TRPC4AP: variants seen among roughly 807,000 people sequenced by gnomAD.
The protein encoded by TRPC4AP is transient receptor potential cation channel subfamily C member 4 associated protein.
In TRPC4AP, 45 loss-of-function variants were observed where a neutral mutation model predicts 99.0. That is an observed-to-expected ratio of 0.45 (90% CI 0.36 to 0.58). The LOEUF (loss-of-function observed/expected upper bound fraction) is 0.58, where lower values mean the gene tolerates loss of function less well. TRPC4AP is among the 20% of genes least tolerant of loss of function. The probability of loss-of-function intolerance (pLI) is 0.00; values close to 1 mark genes in which losing one functional copy is unlikely to be tolerated. For synonymous variants in TRPC4AP, 408 were observed against 385.8 expected (o/e 1.06, Z -0.67); for missense variants, 879 against 985.3 (o/e 0.89, Z 1.44).
At chr20:35,016,266 G>C (rs1272963076) in intron 9 of TRPC4AP, 127 bp from the exon 10 acceptor site, 2 of 1,146,250 alleles carry the variant, frequency 1.7e-6, no homozygotes, top group Non-Finnish European at 1.3e-6. Context: ...AGGAGGGCCA[G>C]GGTCTGAAGA....
intron 4 of TRPC4AP, 147 bp downstream of exon 4, chr20:35,057,367 G>A (rs981003487): frequency 3.2e-6 from 2 of 624,130 alleles, no homozygotes; most frequent in African/African-American, 3.7e-5. Context: ...CTGCTTAGCT[G>A]GGGGAGGAGA....
intron 7 of TRPC4AP, among the ~76,000 whole-genome samples, chr20:35,038,549 A>G (rs1051837354): frequency 3.9e-5 from 6 of 152,114 alleles, no homozygotes; most frequent in African/African-American, 1.4e-4. Context: ...ATAAAAAGAG[A>G]GCAGCACTTA....
intron 1 of TRPC4AP, among the ~76,000 whole-genome samples, chr20:35,078,980 C>A (rs576375790): frequency 6.6e-6 from 1 of 152,078 alleles, no homozygotes; most frequent in Admixed American, 6.6e-5. Flanking sequence ...GCAGGAGAAC[C>A]GCTTGAACTC....
intron 1 of TRPC4AP, among the ~76,000 whole-genome samples, chr20:35,086,435 G>A (rs953256447): frequency 6.8e-4 from 13 of 19,112 alleles, no homozygotes; most frequent in African/African-American, 9.6e-4. Flanking sequence ...TGGCATATGT[G>A]TGTGTGTGTG....
intron 14 of TRPC4AP, among the ~76,000 whole-genome samples, chr20:35,006,893 C>T (rs527992118): frequency 6.6e-6 from 1 of 152,320 alleles, no homozygotes; most frequent in African/African-American, 2.4e-5. Flanking sequence ...GCTGTCATCA[C>T]CAGGTCTAAA....
intron 11 of TRPC4AP, among the ~76,000 whole-genome samples, chr20:35,011,414 T>G (rs1174893170): frequency 6.6e-6 from 1 of 152,184 alleles, no homozygotes; most frequent in Non-Finnish European, 1.5e-5. Flanking sequence ...GAGTACTGGT[T>G]GTCTACCTTG....
At chr20:35,013,194 T>G in intron 10 of TRPC4AP, 128 bp from the exon 11 acceptor site, 1 of 800,262 alleles carries the variant, frequency 1.2e-6, no homozygotes, top group Non-Finnish European at 2.1e-6. Flanking sequence ...GACTTTTCTT[T>G]AGTTAGAAAA....
At chr20:35,041,624 T>C (rs6120812) in intron 7 of TRPC4AP, among the ~76,000 whole-genome samples, 28,122 of 152,200 alleles carry the variant, frequency 0.18, 2,696 homozygotes, top group Middle Eastern at 0.34. Context: ...ACCAGAACAG[T>C]TCATTCCTCA....
chr20:35,074,395 T>C (rs1407860315), intron 2 of TRPC4AP, among the ~76,000 whole-genome samples: 3 of 152,170 alleles, frequency 2.0e-5, no homozygotes, highest in African/African-American at 7.2e-5. Flanking sequence ...CGGCTTTCTC[T>C]TGTGTGCATT....
chr20:35,049,966 T>C lies in TRPC4AP; in HGVS notation c.557A>G (p.Glu186Gly), dbSNP rs1569121705. 6.2e-7 allele frequency: 1 copy of C among 1,614,016 alleles called. No individual in the cohort carries two copies. Among genetic ancestry groups the C allele is most frequent in the African/African-American group, 1.3e-5 (1 of 74,938 alleles). ...CTEGVTKRLA[E>G]KNDFVIFLFT... is the part of the protein sequence containing the mutation. ...CAGGAAGATCACAAAGTCATTCTTT[T>C]CTGCCAAACGCTTTGTAACTCCCTC... The change falls in exon 6 of 19, where the codon GAA (glutamate) becomes GGA (glycine). Residue 186 changes from glutamate to glycine, a missense_variant. By Grantham distance (98) the Glu-to-Gly change is moderately conservative. Transcript: ENST00000252015.
intron 8 of TRPC4AP, among the ~76,000 whole-genome samples, chr20:35,026,752 G>A (rs1244327022): frequency 1.3e-5 from 2 of 152,110 alleles, no homozygotes; most frequent in African/African-American, 4.8e-5. Flanking sequence ...TTTCAATGAT[G>A]TTTTAGAATT....
Position 35,044,721 on chromosome 20 carries a change from G to C in TRPC4AP, c.658-9C>G, listed in dbSNP as rs765652426. 1.9e-6 allele frequency: 3 copies of C among 1,612,966 alleles called. No individual in the cohort carries two copies. In the South Asian group the frequency reaches 3.3e-5, roughly 18 times the overall value. ...TCTAGTCGGATCATTTCCTACAGAA[G>C]ACAAAAATGAAACAATCCCCATGCT... On this transcript the variant is annotated splice_polypyrimidine_tract_variant and intron_variant, in intron 6 of 18. Coordinates refer to ENST00000252015, the MANE Select transcript of TRPC4AP (RefSeq NM_015638.3).
chr20:35,010,085 A>T, intron 12 of TRPC4AP, 102 bp downstream of exon 12: 1 of 867,370 alleles, frequency 1.2e-6, no homozygotes. Context: ...GCTGCATGTG[A>T]GAGAGGACAC....
intron 3 of TRPC4AP, among the ~76,000 whole-genome samples, chr20:35,059,754 A>C (rs537692806): frequency 1.7e-4 from 25 of 147,290 alleles, no homozygotes; most frequent in South Asian, 6.6e-4. Context: ...AAGAAGAAGA[A>C]GACGAAGAAG....
In TRPC4AP at chr20:35,010,351, G is replaced by A. The variant is rs139956627; in HGVS notation, c.1410-63C>T. 6.2e-4 allele frequency: 857 copies of A among 1,376,616 alleles called. 4 individuals are homozygous for A. In the African/African-American group the frequency reaches 0.011, roughly 18 times the overall value. The allele number at this position is 1,376,616 out of a possible 1,614,324, so 85.3% of individuals were successfully genotyped here. A position where few individuals can be genotyped will look rare whatever the true frequency, so the allele number is the denominator to read the frequency against. Reference sequence around the variant, plus strand: ...ACTGGGGCTGCTGGGTCAGCACCAGGCTAGTGTAGGGAGTCTCCTGCCCAC... The same window carrying A: ...ACTGGGGCTGCTGGGTCAGCACCAGACTAGTGTAGGGAGTCTCCTGCCCAC... On this transcript the variant is annotated intron_variant, in intron 11 of 18. Coordinates refer to ENST00000252015, the MANE Select transcript of TRPC4AP (RefSeq NM_015638.3).
At chr20:35,055,386 T>C (rs2145956554) in intron 4 of TRPC4AP, among the ~76,000 whole-genome samples, 1 of 152,352 alleles carries the variant, frequency 6.6e-6, no homozygotes, top group South Asian at 2.1e-4. Context: ...GTTTTTTGGC[T>C]ATTTAAGTAG....
At chr20:35,083,547 T>C (rs1600665843) in intron 1 of TRPC4AP, among the ~76,000 whole-genome samples, 1 of 150,404 alleles carries the variant, frequency 6.6e-6, no homozygotes, top group Admixed American at 6.6e-5. Context: ...GAGGCGGAGG[T>C]TGCAGAAAGC....
At chr20:35,091,089 T>A (rs2085050691) in intron 1 of TRPC4AP, among the ~76,000 whole-genome samples, 1 of 150,986 alleles carries the variant, frequency 6.6e-6, no homozygotes, top group Admixed American at 6.6e-5. Context: ...ACTCTGTCAA[T>A]CTCCGCCTCC....
At chr20:35,075,753 G>A (rs879662369) in intron 2 of TRPC4AP, among the ~76,000 whole-genome samples, 2 of 152,100 alleles carry the variant, frequency 1.3e-5, no homozygotes, top group Admixed American at 6.6e-5. Flanking sequence ...TCCTCTCCTC[G>A]AGGAGTATCT....
Sources: allele counts gnomAD v4.1 joint callset (sites outside exome capture counted in the v4.1 genomes callset), GRCh38; gene constraint gnomAD v4.1.1; transcripts MANE v1.5; gene names NCBI Gene and HGNC (gene_info 2026-07-23, HGNC 2026-07-21).